Variants in GRID2 observed in about 807,000 individuals in gnomAD.
The protein encoded by GRID2 is glutamate ionotropic receptor delta type subunit 2.
Under a neutral mutation model 114.8 loss-of-function variants are expected in GRID2, and 33 were observed. The observed-to-expected ratio is 0.29, with a 90% CI of 0.22 to 0.38. The LOEUF (loss-of-function observed/expected upper bound fraction) is 0.38, where lower values mean the gene tolerates loss of function less well. GRID2 is among the 10% of genes least tolerant of loss of function. The probability of loss-of-function intolerance (pLI) is 1.00; values close to 1 mark genes in which losing one functional copy is unlikely to be tolerated. For synonymous variants in GRID2, 505 were observed against 449.9 expected (o/e 1.12, Z -1.55); for missense variants, 1,184 against 1,257.7 (o/e 0.94, Z 0.89).
intron 14 of GRID2, among the ~76,000 whole-genome samples, chr4:93,757,450 C>T (rs1732847185): frequency 6.6e-6 from 1 of 152,184 alleles, no homozygotes; most frequent in Non-Finnish European, 1.5e-5. Flanking sequence ...ACCTGTTCTA[C>T]TAATTCCTAA....
At chr4:93,555,322 C>A (rs1056656986) in intron 13 of GRID2, among the ~76,000 whole-genome samples, 2 of 152,128 alleles carry the variant, frequency 1.3e-5, no homozygotes, top group Non-Finnish European at 2.9e-5. Context: ...TCAGTGGATC[C>A]CACTCCCATG....
chr4:92,999,306 T>A (rs1369182051), intron 2 of GRID2, among the ~76,000 whole-genome samples: 1 of 151,808 alleles, frequency 6.6e-6, no homozygotes, highest in Middle Eastern at 3.2e-3. Flanking sequence ...TATCAAACAT[T>A]TGTCAGAGGC....
intron 2 of GRID2, among the ~76,000 whole-genome samples, chr4:92,812,309 T>A (rs1740699994): frequency 6.6e-6 from 1 of 152,040 alleles, no homozygotes; most frequent in Non-Finnish European, 1.5e-5. Context: ...ATAAAAACAT[T>A]CTTAAGTGGT....
intron 9 of GRID2, among the ~76,000 whole-genome samples, chr4:93,407,799 G>A (rs149266474): frequency 5.3e-4 from 22 of 41,130 alleles, no homozygotes; most frequent in South Asian, 1.5e-3. Flanking sequence ...CCTCCTCCTC[G>A]TCCTCCTCCT....
At chr4:92,924,700 C>T (rs777875928) in intron 2 of GRID2, among the ~76,000 whole-genome samples, 20 of 152,102 alleles carry the variant, frequency 1.3e-4, no homozygotes, top group Non-Finnish European at 2.1e-4. Flanking sequence ...CAACATATGC[C>T]ATGTCTCTAA....
chr4:92,927,415 T>A, intron 2 of GRID2, among the ~76,000 whole-genome samples: 1 of 151,832 alleles, frequency 6.6e-6, no homozygotes, highest in East Asian at 1.9e-4. Context: ...AGCCAGTGTG[T>A]CAGCATTTTC....
intron 1 of GRID2, among the ~76,000 whole-genome samples, chr4:92,547,779 T>TA (rs1219479272): frequency 6.6e-6 from 1 of 152,144 alleles, no homozygotes; most frequent in African/African-American, 2.4e-5. Flanking sequence ...AGGGAGGATT[T>TA]AAATGAGGAT....
intron 4 of GRID2, among the ~76,000 whole-genome samples, chr4:93,193,202 A>G (rs1461826871): frequency 6.6e-6 from 1 of 152,152 alleles, no homozygotes; most frequent in Non-Finnish European, 1.5e-5. Flanking sequence ...AGAGGAATAC[A>G]AGTAGCTCCC....
intron 2 of GRID2, among the ~76,000 whole-genome samples, chr4:93,058,829 G>A (rs1049053895): frequency 2.6e-5 from 4 of 151,904 alleles, no homozygotes; most frequent in African/African-American, 7.2e-5. Context: ...CCAAATAAAT[G>A]CTTTTCTTTA....
intron 1 of GRID2, among the ~76,000 whole-genome samples, chr4:92,571,465 A>G (rs1727617450): frequency 6.6e-6 from 1 of 151,732 alleles, no homozygotes. Context: ...TCAACATTAG[A>G]CAGATCAATG....
chr4:92,545,667 ATCTT>A (rs1726213917), intron 1 of GRID2, among the ~76,000 whole-genome samples: 1 of 152,168 alleles, frequency 6.6e-6, no homozygotes, highest in African/African-American at 2.4e-5. Context: ...ATGTTTGAAA[ATCTT>A]TAGGATATAG....
At chr4:92,682,687 C>G (rs1424849518) in intron 2 of GRID2, among the ~76,000 whole-genome samples, 1 of 143,012 alleles carries the variant, frequency 7.0e-6, no homozygotes, top group Non-Finnish European at 1.5e-5. Context: ...GCAGGGCACA[C>G]ACACACACAC....
chr4:92,668,199 T>G (rs1732880504), intron 2 of GRID2, among the ~76,000 whole-genome samples: 1 of 151,794 alleles, frequency 6.6e-6, no homozygotes, highest in African/African-American at 2.4e-5. Context: ...TTGAGTATAA[T>G]TCTGTCTCTT....
At chr4:93,113,252 A>G (rs1388400289) in intron 4 of GRID2, among the ~76,000 whole-genome samples, 1 of 152,182 alleles carries the variant, frequency 6.6e-6, no homozygotes, top group African/African-American at 2.4e-5. Flanking sequence ...GAACTCATAT[A>G]ATCTTCATAA....
At chr4:93,367,969 C>T (rs1039382546) in intron 8 of GRID2, among the ~76,000 whole-genome samples, 23 of 152,050 alleles carry the variant, frequency 1.5e-4, no homozygotes, top group Admixed American at 1.3e-4. Context: ...TATATAAAGA[C>T]ATGAATTCAT....
At position 93,172,600 on chromosome 4, in the gene GRID2, GAAAA is replaced by G. The variant is rs201819089; in HGVS notation, c.736-34797_736-34794del. On this transcript the variant is annotated intron_variant, in intron 4 of 15. Transcript: ENST00000282020. The stretch of plus-strand genomic sequence containing the variant: ...GGGCGAGACTCCATCTCAAAAAAAA[GAAAA>G]AAAAAAGAAAATAATGACAGTTGCT... Among the ~76,000 whole-genome samples, 18 of 143,020 alleles carry G rather than the reference GAAAA, an allele frequency of 1.3e-4. No individual in the cohort carries two copies. In the South Asian group the frequency reaches 3.1e-3, roughly 25 times the overall value. 93.8% of individuals were successfully genotyped at this position (143,020 alleles called of 152,430 possible). A position where few individuals can be genotyped will look rare whatever the true frequency, so the allele number is the denominator to read the frequency against.
At chr4:93,073,379 G>A in intron 2 of GRID2, among the ~76,000 whole-genome samples, 1 of 152,244 alleles carries the variant, frequency 6.6e-6, no homozygotes. Context: ...CCTTGTGATT[G>A]TCATAATAAT....
intron 1 of GRID2, among the ~76,000 whole-genome samples, chr4:93,785,802 G>A (rs1578794577): frequency 6.6e-6 from 1 of 152,256 alleles, no homozygotes; most frequent in African/African-American, 2.4e-5. Flanking sequence ...AATCCACCTA[G>A]AGGAAATAGT....
At chr4:93,017,402 G>A (rs1722851694) in intron 2 of GRID2, among the ~76,000 whole-genome samples, 1 of 151,958 alleles carries the variant, frequency 6.6e-6, no homozygotes, top group Non-Finnish European at 1.5e-5. Context: ...GAAATTTATT[G>A]GAGAATGAAA....
Sources: allele counts gnomAD v4.1 joint callset (sites outside exome capture counted in the v4.1 genomes callset), GRCh38; gene constraint gnomAD v4.1.1; transcripts MANE v1.5; gene names NCBI Gene and HGNC (gene_info 2026-07-23, HGNC 2026-07-21).